The following SSH2 variants were observed in gnomAD, a reference collection of about 807,000 sequenced individuals.
The protein encoded by SSH2 is slingshot protein phosphatase 2.
Under a neutral mutation model 135.2 loss-of-function variants are expected in SSH2, and 37 were observed. The observed-to-expected ratio is 0.27, with a 90% CI of 0.21 to 0.36. The LOEUF (loss-of-function observed/expected upper bound fraction) is 0.36, where lower values mean the gene tolerates loss of function less well. Ranked by LOEUF, SSH2 falls within the 10% of genes least tolerant of loss-of-function variation. The pLI is 1.00. For missense variants in SSH2, 1,408 were observed against 1,765.3 expected (o/e 0.80, Z 3.63); for synonymous variants, 628 against 646.2 (o/e 0.97, Z 0.43).
intron 1 of SSH2, among the ~76,000 whole-genome samples, chr17:29,883,725 G>C (rs1263434229): frequency 1.3e-5 from 2 of 152,080 alleles, no homozygotes; most frequent in African/African-American, 4.8e-5. Context: ...TCCTTATTTA[G>C]TGTCTTAGAC....
intron 3 of SSH2, chr17:29,716,717 G>A (rs952757915): frequency 2.8e-5 from 16 of 574,416 alleles, no homozygotes; most frequent in East Asian, 1.3e-4. Flanking sequence ...TGGCAGTTCC[G>A]GCTGAAAGTC....
rs540014595 is a variant in SSH2, at chr17:29,733,835, A to C, written c.189-30773T>G. Reference sequence around the variant, plus strand: ...TAAATATTCTCATTTAACACTAAAAAGCTGAAATAATCCCCTTGGAGGAAA... The same window carrying C: ...TAAATATTCTCATTTAACACTAAAACGCTGAAATAATCCCCTTGGAGGAAA... On this transcript the variant is annotated intron_variant, in intron 3 of 15. Coordinates refer to ENST00000540801, the MANE Select transcript of SSH2 (RefSeq NM_001282129.2). Among the ~76,000 whole-genome samples the C allele has an allele frequency of 1.1e-4, 17 of 152,294 alleles. No homozygotes were observed. The South Asian group carries it at 3.5e-3, about 32-fold the overall frequency.
chr17:29,694,177 A>C (rs2038619462), intron 5 of SSH2, among the ~76,000 whole-genome samples: 1 of 152,208 alleles, frequency 6.6e-6, no homozygotes, highest in South Asian at 2.1e-4. Context: ...GGTCCAGGGA[A>C]GCCAAATGAT....
chr17:29,738,640 G>A (rs144791732), intron 3 of SSH2, among the ~76,000 whole-genome samples: 3 of 150,966 alleles, frequency 2.0e-5, no homozygotes, highest in Non-Finnish European at 2.9e-5. Flanking sequence ...TGCAAGCTGC[G>A]GCTTCCGGGT....
rs60274804 is a variant in SSH2, at chr17:29,731,414, ATTT to A, written c.189-28355_189-28353del. On this transcript the variant is annotated intron_variant, in intron 3 of 15. Transcript: ENST00000540801. Reference sequence around the variant, plus strand: ...CAACTAGGTTTTTCATAGCAGAAGTATTTTTTATTTATTTATTTATTTATTTAT... The same window carrying A: ...CAACTAGGTTTTTCATAGCAGAAGTATTTATTTATTTATTTATTTATTTAT... Among the ~76,000 whole-genome samples, 16 of 115,316 alleles carry A rather than the reference ATTT, an allele frequency of 1.4e-4. 1 individual carries two copies. Among genetic ancestry groups the A allele is most frequent in the African/African-American group, 4.6e-4 (14 of 30,490 alleles). The allele number at this position is 115,316 out of a possible 152,430, so 75.7% of individuals were successfully genotyped here.
At chr17:29,827,663 C>T (rs571432548) in intron 2 of SSH2, among the ~76,000 whole-genome samples, 28 of 152,100 alleles carry the variant, frequency 1.8e-4, no homozygotes, top group Admixed American at 9.8e-4. Context: ...CCAGGAAGTT[C>T]CAGGTAATAT....
intron 3 of SSH2, among the ~76,000 whole-genome samples, chr17:29,754,102 C>T (rs111457759): frequency 1.3e-4 from 20 of 152,238 alleles, no homozygotes; most frequent in African/African-American, 3.9e-4. Flanking sequence ...AAAATGTGGA[C>T]GATGACTTGC....
chr17:29,698,120 A>C (rs564885287), intron 4 of SSH2, among the ~76,000 whole-genome samples: 1 of 152,340 alleles, frequency 6.6e-6, no homozygotes, highest in East Asian at 1.9e-4. Flanking sequence ...CATTTACAGA[A>C]CATCCAGAAT....
chr17:29,830,194 CTT>C (rs2042821333), intron 2 of SSH2, among the ~76,000 whole-genome samples: 1 of 152,130 alleles, frequency 6.6e-6, no homozygotes, highest in South Asian at 2.1e-4. Flanking sequence ...CTTTTGCTGA[CTT>C]TATCAGCACC....
intron 1 of SSH2, among the ~76,000 whole-genome samples, chr17:29,912,334 T>C (rs2066780279): frequency 2.0e-5 from 3 of 152,220 alleles, no homozygotes; most frequent in Non-Finnish European, 4.4e-5. Context: ...ATCTTCAAAT[T>C]TATTGTTAGA....
At position 29,860,438 on chromosome 17, in the gene SSH2, CTTTT is replaced by C. The variant is rs376815701; in HGVS notation, c.64-11513_64-11510del. On this transcript the variant is annotated intron_variant, in intron 1 of 15. Transcript: ENST00000540801. ...AGCGTCTCTTCATGGCCTTTGCCCA[CTTTT>C]TTTTTTTTTTTTTTTTGAGACAGAG... 4.2e-4 allele frequency among the ~76,000 whole-genome samples: 48 copies of C among 114,274 alleles called. 1 individual carries two copies. In the East Asian group the frequency reaches 0.012, roughly 28 times the overall value. 75.0% of individuals were successfully genotyped at this position (114,274 alleles called of 152,430 possible).
intron 3 of SSH2, among the ~76,000 whole-genome samples, chr17:29,709,052 A>AGAGAGAGAGAGAGAGAGAGCGC (rs1491229455): frequency 9.0e-5 from 13 of 144,654 alleles, no homozygotes; most frequent in African/African-American, 2.8e-4. Context: ...AGAGAGAGAG[A>AGAGAGAGAGAGAGAGAGAGCGC]GCTAATAATA....
At chr17:29,882,008 T>A (rs1344296576) in intron 1 of SSH2, among the ~76,000 whole-genome samples, 1 of 152,208 alleles carries the variant, frequency 6.6e-6, no homozygotes. Flanking sequence ...TCTTAAGATG[T>A]ACAGGAAGTC....
chr17:29,913,122 A>G (rs1004548093), intron 1 of SSH2, among the ~76,000 whole-genome samples: 4 of 150,518 alleles, frequency 2.7e-5, no homozygotes, highest in African/African-American at 9.8e-5. Flanking sequence ...GTTTGAGACC[A>G]GCCTGGCCAA....
At chr17:29,807,359 A>G (rs1243095889) in intron 2 of SSH2, among the ~76,000 whole-genome samples, 3 of 152,236 alleles carry the variant, frequency 2.0e-5, no homozygotes, top group African/African-American at 7.2e-5. Context: ...TTTACTATTT[A>G]TATTTAAATC....
At chr17:29,782,585 GTTTT>G (rs2151290397) in intron 3 of SSH2, among the ~76,000 whole-genome samples, 1 of 151,938 alleles carries the variant, frequency 6.6e-6, no homozygotes, top group African/African-American at 2.4e-5. Context: ...GATCAGAGTT[GTTTT>G]TTGTTTTTTT....
Position 29,636,067 on chromosome 17 carries a change from T to C in SSH2, c.2163A>G (p.Val721=), listed in dbSNP as rs755256914. 1.2e-6 allele frequency: 2 copies of C among 1,614,250 alleles called. No homozygotes were observed. The highest frequency in any genetic ancestry group is 1.7e-6 in the Non-Finnish European group (2 of 1,180,026). Reference sequence around the variant, plus strand: ...CATCAGCTGTCACTTTGGAAGGGGCTACTTCTACCACTGACAGTCGACAGC... The same window carrying C: ...CATCAGCTGTCACTTTGGAAGGGGCCACTTCTACCACTGACAGTCGACAGC... ...NESCRLSVVE[V]APSKVTADDQ... is the part of the protein sequence containing the mutation. Residue 721 remains valine (V), a synonymous_variant, in exon 15 of 16, where the codon GTA becomes GTG. Coordinates refer to ENST00000540801, the MANE Select transcript of SSH2 (RefSeq NM_001282129.2).
intron 3 of SSH2, among the ~76,000 whole-genome samples, chr17:29,736,123 T>C (rs2040355824): frequency 6.6e-6 from 1 of 151,938 alleles, no homozygotes; most frequent in Non-Finnish European, 1.5e-5. Flanking sequence ...AAATTCTATA[T>C]TACAAAGATT....
At chr17:29,910,238 C>A (rs1425399878) in intron 1 of SSH2, among the ~76,000 whole-genome samples, 1 of 152,106 alleles carries the variant, frequency 6.6e-6, no homozygotes, top group Non-Finnish European at 1.5e-5. Context: ...CTTGAGCCAC[C>A]ATGCCCAGCT....
Sources: allele counts gnomAD v4.1 joint callset (sites outside exome capture counted in the v4.1 genomes callset), GRCh38; gene constraint gnomAD v4.1.1; transcripts MANE v1.5; gene names NCBI Gene and HGNC (gene_info 2026-07-23, HGNC 2026-07-21).